Variants in MAST4 observed in about 807,000 individuals in gnomAD.
MAST4 encodes the protein microtubule-associated serine/threonine-protein kinase 4.
A neutral mutation model predicts 162.7 loss-of-function variants in MAST4; 89 were observed. That is an observed-to-expected ratio of 0.55 (90% CI 0.46 to 0.65). The LOEUF is 0.65. Ranked by LOEUF, MAST4 falls within the 30% of genes least tolerant of loss-of-function variation. The pLI is 0.00. For synonymous variants in MAST4, 1,479 were observed against 1,361.1 expected (o/e 1.09, Z -1.91); for missense variants, 3,153 against 3,374.0 (o/e 0.93, Z 1.62).
chr5:67,136,791 C>T (rs1048492888), intron 19 of MAST4, 127 bp downstream of exon 19: 1 of 664,072 alleles, frequency 1.5e-6, no homozygotes, highest in African/African-American at 1.8e-5. Context: ...TAGAACATGA[C>T]TGCAACACAT....
At chr5:66,858,451 C>G (rs1312773629) in intron 3 of MAST4, among the ~76,000 whole-genome samples, 1 of 151,790 alleles carries the variant, frequency 6.6e-6, no homozygotes, top group Non-Finnish European at 1.5e-5. Context: ...GTCTTTTTTT[C>G]TTGTTTGTTT....
chr5:66,811,369 TAAAAA>T (rs1756468399), intron 3 of MAST4, among the ~76,000 whole-genome samples: 1 of 152,072 alleles, frequency 6.6e-6, no homozygotes, highest in Non-Finnish European at 1.5e-5. Context: ...GAGGGAAAAA[TAAAAA>T]GCAGCCTATA....
At chr5:66,850,911 G>T (rs972132745) in intron 3 of MAST4, among the ~76,000 whole-genome samples, 19 of 146,244 alleles carry the variant, frequency 1.3e-4, no homozygotes, top group African/African-American at 4.5e-4. Context: ...GACCCAAGAT[G>T]TTGCCACCAT....
chr5:67,085,003 G>A (rs79742760), intron 5 of MAST4, among the ~76,000 whole-genome samples: 1 of 152,048 alleles, frequency 6.6e-6, no homozygotes, highest in Non-Finnish European at 1.5e-5. Flanking sequence ...TTGCATAATC[G>A]TGGACTATGA....
At chr5:67,080,749 A>G (rs1422863915) in intron 5 of MAST4, among the ~76,000 whole-genome samples, 2 of 151,280 alleles carry the variant, frequency 1.3e-5, no homozygotes, top group Admixed American at 1.3e-4. Context: ...ATATTATAAT[A>G]TTACATGGAC....
chr5:67,115,024 C>G (rs1305896829), intron 12 of MAST4: 3 of 127,962 alleles, frequency 2.3e-5, no homozygotes, highest in African/African-American at 9.3e-5. Context: ...CCAGCCTGGG[C>G]GACAGAGTGA....
intron 5 of MAST4, among the ~76,000 whole-genome samples, chr5:67,059,549 G>A (rs562951348): frequency 6.6e-6 from 1 of 152,252 alleles, no homozygotes; most frequent in South Asian, 2.1e-4. Context: ...GAGCCACAGA[G>A]GAAAAGGAGA....
At chr5:66,684,504 C>T (rs1265847606) in intron 1 of MAST4, among the ~76,000 whole-genome samples, 2 of 152,112 alleles carry the variant, frequency 1.3e-5, no homozygotes, top group Non-Finnish European at 2.9e-5. Context: ...CTAAATTGCT[C>T]TGGAAGGAGT....
chr5:66,852,352 C>T (rs1021652819), intron 3 of MAST4, among the ~76,000 whole-genome samples: 1 of 152,030 alleles, frequency 6.6e-6, no homozygotes, highest in African/African-American at 2.4e-5. Flanking sequence ...GCCATGTTGC[C>T]CAGGGTGGTC....
intron 5 of MAST4, among the ~76,000 whole-genome samples, chr5:67,079,599 A>G (rs1034547262): frequency 1.3e-5 from 2 of 152,166 alleles, no homozygotes; most frequent in Non-Finnish European, 2.9e-5. Context: ...TTTTGGCTTT[A>G]TCGTATGTCT....
chr5:66,613,773 G>A (rs1481511068), intron 1 of MAST4, among the ~76,000 whole-genome samples: 2 of 152,184 alleles, frequency 1.3e-5, no homozygotes, highest in East Asian at 1.9e-4. Context: ...GTTTGCAGGT[G>A]GAGAGGGAAG....
chr5:66,944,069 A>G (rs781000923), intron 4 of MAST4, among the ~76,000 whole-genome samples: 1 of 152,252 alleles, frequency 6.6e-6, no homozygotes, highest in Admixed American at 6.6e-5. Flanking sequence ...TAGTTTTAAA[A>G]CATTTCGAGG....
intron 5 of MAST4, among the ~76,000 whole-genome samples, chr5:67,068,545 A>C (rs990062408): frequency 6.6e-6 from 1 of 152,094 alleles, no homozygotes; most frequent in Non-Finnish European, 1.5e-5. Context: ...CTCCCACAAC[A>C]TGTGGGGATT....
intron 3 of MAST4, among the ~76,000 whole-genome samples, chr5:66,838,540 G>T (rs1371034869): frequency 6.6e-6 from 1 of 152,180 alleles, no homozygotes; most frequent in African/African-American, 2.4e-5. Flanking sequence ...AAGGGTTTCT[G>T]TTATGGTAGG....
intron 1 of MAST4, 136 bp downstream of exon 1, chr5:66,597,154 G>A: frequency 2.6e-6 from 3 of 1,160,802 alleles, no homozygotes; most frequent in Non-Finnish European, 3.3e-6. Flanking sequence ...TCTGCCCCGA[G>A]CACGGGACAA....
Position 67,100,598 on chromosome 5 carries a change from T to C in MAST4, c.1070+6T>C. The C allele has an allele frequency of 6.2e-7, 1 of 1,613,788 alleles. No homozygotes were observed. Among genetic ancestry groups the C allele is most frequent in the Non-Finnish European group, 8.5e-7 (1 of 1,179,788 alleles). On this transcript the variant is annotated splice_donor_region_variant and intron_variant, in intron 8 of 28. Transcript: ENST00000403625. ...CCCCGTTCCCGAAGTCTGAGGTGTGTGGGCCTGGCTGAAAACCATTACTTA... is the reference window on the plus strand; with the variant it reads ...CCCCGTTCCCGAAGTCTGAGGTGTGCGGGCCTGGCTGAAAACCATTACTTA...
chr5:67,011,905 C>T (rs1752718161), intron 4 of MAST4, among the ~76,000 whole-genome samples: 1 of 151,880 alleles, frequency 6.6e-6, no homozygotes, highest in Non-Finnish European at 1.5e-5. Context: ...TGTGAGAGTG[C>T]AAAAAGTAGA....
chr5:66,713,551 A>G (rs908861307), intron 1 of MAST4, among the ~76,000 whole-genome samples: 16 of 152,234 alleles, frequency 1.1e-4, no homozygotes, highest in Non-Finnish European at 2.9e-5. Context: ...ATTTTACACT[A>G]TGAAGTTTGG....
At chr5:66,650,106 C>T (rs1746122414) in intron 1 of MAST4, among the ~76,000 whole-genome samples, 1 of 152,136 alleles carries the variant, frequency 6.6e-6, no homozygotes, top group Non-Finnish European at 1.5e-5. Context: ...TCACCTAAGT[C>T]AGCCTATTCA....
Sources: allele counts gnomAD v4.1 joint callset (sites outside exome capture counted in the v4.1 genomes callset), GRCh38; gene constraint gnomAD v4.1.1; transcripts MANE v1.5; gene names NCBI Gene and HGNC (gene_info 2026-07-23, HGNC 2026-07-21).